ZNF423: variants seen among roughly 807,000 people sequenced by gnomAD.
The protein encoded by ZNF423 is Ebf-associated zinc finger protein.
In ZNF423, 12 loss-of-function variants were observed where a neutral mutation model predicts 95.8. The observed-to-expected ratio is 0.13, with a 90% CI of 0.08 to 0.20. The LOEUF (loss-of-function observed/expected upper bound fraction) is 0.20, where lower values mean the gene tolerates loss of function less well. Among genes scored for constraint, ZNF423 ranks in the 10% least tolerant of loss-of-function variants. ZNF423 has a pLI of 1.00. For synonymous variants in ZNF423, 749 were observed against 711.9 expected, an observed-to-expected ratio of 1.05 and a Z score of -0.83; for missense variants, 1,316 against 1,737.1, an observed-to-expected ratio of 0.76 and a Z score of 4.31.
intron 5 of ZNF423, among the ~76,000 whole-genome samples, chr16:49,593,243 G>C (rs1971072349): frequency 1.3e-5 from 2 of 152,018 alleles, no homozygotes; most frequent in South Asian, 4.2e-4. Flanking sequence ...GACCAGCCTG[G>C]GCAACATAGC....
chr16:49,549,178 T>A (rs1323707954), intron 5 of ZNF423, among the ~76,000 whole-genome samples: 1 of 152,182 alleles, frequency 6.6e-6, no homozygotes, highest in East Asian at 1.9e-4. Context: ...TCCACTGGGC[T>A]TTGGATTCCT....
intron 5 of ZNF423, among the ~76,000 whole-genome samples, chr16:49,624,745 G>A (rs1168285618): frequency 6.6e-6 from 1 of 152,196 alleles, no homozygotes; most frequent in Non-Finnish European, 1.5e-5. Flanking sequence ...GATGTCAGGT[G>A]CAAACGAGTA....
At chr16:49,496,406 G>A (rs112424544) in intron 7 of ZNF423, among the ~76,000 whole-genome samples, 2,410 of 152,244 alleles carry the variant, frequency 0.016, 61 homozygotes, top group African/African-American at 0.053. Flanking sequence ...CCTCTGGGCA[G>A]TAATGACTTA....
At chr16:49,674,017 T>C (rs560284323) in intron 3 of ZNF423, among the ~76,000 whole-genome samples, 1 of 152,178 alleles carries the variant, frequency 6.6e-6, no homozygotes, top group East Asian at 1.9e-4. Context: ...TAAAAGGCCA[T>C]GGAGCAGGTA....
At position 49,692,018 on chromosome 16, in the gene ZNF423, C is replaced by T. The variant is rs554645623; in HGVS notation, c.301+38753G>A. On this transcript the variant is annotated intron_variant, in intron 3 of 7. Transcript: ENST00000563137. Reference sequence around the variant, plus strand: ...AGGCTGGAGTGCAGTGGTGCAATCGCGGCTCACTGCAACCTCCACCTCCCA... The same window carrying T: ...AGGCTGGAGTGCAGTGGTGCAATCGTGGCTCACTGCAACCTCCACCTCCCA... Among the ~76,000 whole-genome samples, 4 of 152,022 alleles carry T rather than the reference C, an allele frequency of 2.6e-5. No homozygotes were observed. In the South Asian group the frequency reaches 8.3e-4, roughly 32 times the overall value.
intron 3 of ZNF423, among the ~76,000 whole-genome samples, chr16:49,673,173 T>C (rs1176886758): frequency 2.0e-5 from 3 of 152,186 alleles, no homozygotes; most frequent in Admixed American, 2.0e-4. Flanking sequence ...AGGAGAAACA[T>C]GCTGCAGGTA....
At chr16:49,643,293 A>G (rs1973045418) in intron 3 of ZNF423, among the ~76,000 whole-genome samples, 1 of 152,018 alleles carries the variant, frequency 6.6e-6, no homozygotes, top group Non-Finnish European at 1.5e-5. Context: ...CTACATTTTT[A>G]TTTTCAAGTA....
intron 7 of ZNF423, among the ~76,000 whole-genome samples, chr16:49,512,541 C>T (rs1313351378): frequency 6.6e-6 from 1 of 152,250 alleles, no homozygotes; most frequent in Non-Finnish European, 1.5e-5. Context: ...ATGGGCATGG[C>T]ATCGCCACAA....
chr16:49,648,124 A>G (rs1973247086), intron 3 of ZNF423, among the ~76,000 whole-genome samples: 1 of 152,252 alleles, frequency 6.6e-6, no homozygotes, highest in Non-Finnish European at 1.5e-5. Flanking sequence ...CAGACTATTA[A>G]GAGAAATATG....
At chr16:49,656,113 A>C (rs1029707801) in intron 3 of ZNF423, among the ~76,000 whole-genome samples, 2 of 150,150 alleles carry the variant, frequency 1.3e-5, no homozygotes, top group African/African-American at 4.9e-5. Flanking sequence ...GTGGTGCCCC[A>C]CGTTGGGGCA....
chr16:49,803,401 C>G (rs564092075), intron 1 of ZNF423, among the ~76,000 whole-genome samples: 1 of 152,294 alleles, frequency 6.6e-6, no homozygotes, highest in East Asian at 1.9e-4. Context: ...GTAAGAGAAT[C>G]CACGCTGCAA....
intron 1 of ZNF423, among the ~76,000 whole-genome samples, chr16:49,837,186 G>A (rs557901877): frequency 3.3e-4 from 50 of 152,244 alleles, no homozygotes; most frequent in African/African-American, 9.6e-4. Context: ...GGGCCCTGGC[G>A]AGCTGAGGCC....
In ZNF423 at chr16:49,651,557, C is replaced by G. The variant is rs780084433; in HGVS notation, c.302-12683G>C. 2.0e-5 allele frequency among the ~76,000 whole-genome samples: 3 copies of G among 152,200 alleles called. No individual in the cohort carries two copies. In the East Asian group the frequency reaches 5.8e-4, roughly 29 times the overall value. On this transcript the variant is annotated intron_variant, in intron 3 of 7. Coordinates refer to ENST00000563137, the MANE Select transcript of ZNF423 (RefSeq NM_001379286.1). Reference sequence around the variant, plus strand: ...AGGGCTTAGACTCCCAGCTCCCCCACTTACTATGTGTGTGACCTTAGCCAA... The same window carrying G: ...AGGGCTTAGACTCCCAGCTCCCCCAGTTACTATGTGTGTGACCTTAGCCAA...
intron 3 of ZNF423, among the ~76,000 whole-genome samples, chr16:49,701,383 C>T (rs748826254): frequency 7.2e-5 from 11 of 151,914 alleles, no homozygotes; most frequent in African/African-American, 2.4e-4. Flanking sequence ...CAACCAGCGA[C>T]GAGGATTTGA....
chr16:49,598,671 C>T (rs1971260086), intron 5 of ZNF423, among the ~76,000 whole-genome samples: 1 of 152,242 alleles, frequency 6.6e-6, no homozygotes, highest in African/African-American at 2.4e-5. Flanking sequence ...CCAGGCCTGG[C>T]CCTGCAATCC....
intron 7 of ZNF423, among the ~76,000 whole-genome samples, chr16:49,495,776 A>C (rs931118659): frequency 6.6e-6 from 1 of 152,180 alleles, no homozygotes; most frequent in Non-Finnish European, 1.5e-5. Flanking sequence ...GCCCTGGCTC[A>C]GCCCACCTCC....
chr16:49,704,286 A>T (rs1444334285), intron 3 of ZNF423, among the ~76,000 whole-genome samples: 1 of 151,980 alleles, frequency 6.6e-6, no homozygotes, highest in African/African-American at 2.4e-5. Context: ...ACTCCACGAA[A>T]ACTCCCACTA....
At chr16:49,501,518 A>G (rs1490920085) in intron 7 of ZNF423, among the ~76,000 whole-genome samples, 2 of 152,204 alleles carry the variant, frequency 1.3e-5, no homozygotes, top group African/African-American at 4.8e-5. Context: ...CAGCAATCCC[A>G]TTACTGCAGA....
In ZNF423 at chr16:49,637,190, G is replaced by A. The variant is rs75294107; in HGVS notation, c.1986C>T (p.His662=). The change falls in exon 4 of 8, where the codon CAC becomes CAT. Residue 662 remains histidine, a synonymous_variant. Transcript: ENST00000563137. This position sits in a 1 kb window ranked among gnomAD's most constrained non-coding sequence, Gnocchi z 5.6. ...CTTGCTTCCGCAGCAGCAGCTCCAG[G>A]TGCAGCTTCAGGTGGGTCTGGAAGC... ...FESFQTHLKL[H]LELLLRKQAC... 7.1e-3 allele frequency: 11,435 copies of A among 1,613,938 alleles called. 61 individuals are homozygous for A. Among genetic ancestry groups the A allele is most frequent in the Non-Finnish European group, 8.5e-3 (10,034 of 1,180,040 alleles).
Sources: gnomAD v4.1 joint callset for allele counts (sites outside exome capture counted in the v4.1 genomes callset) on GRCh38, gnomAD v4.1.1 for gene constraint, Gnocchi (gnomAD v3.1) non-coding constraint, MANE v1.5 for transcripts, NCBI Gene and HGNC (gene_info 2026-07-23, HGNC 2026-07-21) for gene names.